The following ITPKC variants were observed in gnomAD, a reference collection of about 807,000 sequenced individuals.
ITPKC encodes IP3 3-kinase C.
In ITPKC, 33 loss-of-function variants were observed where a neutral mutation model predicts 67.1. That is an observed-to-expected ratio of 0.49 (90% CI 0.37 to 0.66). The LOEUF (loss-of-function observed/expected upper bound fraction) is 0.66, where lower values mean the gene tolerates loss of function less well. ITPKC is among the 30% of genes least tolerant of loss of function. The pLI is 0.00. For missense variants in ITPKC, 820 were observed against 892.1 expected (o/e 0.92, Z 1.03); for synonymous variants, 341 against 359.8 (o/e 0.95, Z 0.59).
At position 40,738,373 on chromosome 19, in the gene ITPKC, G is replaced by C. The variant is rs184006282; in HGVS notation, c.1848+604G>C. Among the ~76,000 whole-genome samples the C allele has an allele frequency of 3.4e-3, 513 of 152,256 alleles. 3 individuals are homozygous for C. The highest frequency in any genetic ancestry group is 0.012 in the African/African-American group (501 of 41,540). On this transcript the variant is annotated intron_variant, in intron 6 of 6. Coordinates refer to ENST00000263370, the MANE Select transcript of ITPKC (RefSeq NM_025194.3). The stretch of plus-strand genomic sequence containing the variant: ...GAACCCGGGAGGTGGAGCTTGCAGT[G>C]AGCCGAGATTGTGCCGCTGCACTCC...
chr19:40,733,101 G>C, intron 3 of ITPKC, 59 bp from the exon 4 acceptor site: 6 of 1,464,092 alleles, frequency 4.1e-6, no homozygotes, highest in Non-Finnish European at 4.8e-6. Flanking sequence ...ATATCAGGAA[G>C]GGTAAGCCCT....
At chr19:40,719,829 A>G (rs2082212999) in intron 1 of ITPKC, among the ~76,000 whole-genome samples, 1 of 152,208 alleles carries the variant, frequency 6.6e-6, no homozygotes, top group African/African-American at 2.4e-5. Context: ...ACAGATGAGG[A>G]AACTGAGGCA....
intron 1 of ITPKC, among the ~76,000 whole-genome samples, chr19:40,719,459 A>G (rs1176157983): frequency 6.7e-6 from 1 of 150,218 alleles, no homozygotes; most frequent in Non-Finnish European, 1.5e-5. Flanking sequence ...TTATTAACTC[A>G]CTCACTCCTC....
chr19:40,737,728 C>T lies in ITPKC; in HGVS notation c.1807C>T (p.Arg603Cys), dbSNP rs904288189. ...QKYVACLEEL[R>C]EALEISPFFK... ...GTACGTGGCATGCCTAGAAGAACTTCGTGAAGCTCTGGAGATCTCCCCCTT... is the reference window on the plus strand; with the variant it reads ...GTACGTGGCATGCCTAGAAGAACTTTGTGAAGCTCTGGAGATCTCCCCCTT... Residue 603 changes from arginine to cysteine, a missense_variant, in exon 6 of 7, where the codon CGT (arginine) becomes TGT (cysteine). This residue lies in a region of ITPKC where 339 missense variants were observed against 422.0 expected (regional missense o/e 0.80). Coordinates refer to ENST00000263370, the MANE Select transcript of ITPKC (RefSeq NM_025194.3). 5.0e-6 allele frequency: 8 copies of T among 1,614,112 alleles called. No individual in the cohort carries two copies. The highest frequency in any genetic ancestry group is 4.4e-5 in the South Asian group (4 of 91,084).
At chr19:40,726,437 A>G (rs1479918113) in intron 2 of ITPKC, among the ~76,000 whole-genome samples, 1 of 152,166 alleles carries the variant, frequency 6.6e-6, no homozygotes, top group Non-Finnish European at 1.5e-5. Flanking sequence ...CTAGGCCATA[A>G]ATATCTTAGG....
At chr19:40,733,409 C>T (rs980982772) in intron 4 of ITPKC, 45 bp downstream of exon 4, 2 of 1,534,192 alleles carry the variant, frequency 1.3e-6, no homozygotes, top group African/African-American at 1.4e-5. Context: ...AGGCCTATAG[C>T]CAGATCCCAG....
intron 4 of ITPKC, among the ~76,000 whole-genome samples, chr19:40,736,206 C>T (rs1387172729): frequency 6.6e-6 from 1 of 152,022 alleles, no homozygotes; most frequent in Non-Finnish European, 1.5e-5. Context: ...AGGAGAATGG[C>T]ATGAACCCAG....
intron 3 of ITPKC, among the ~76,000 whole-genome samples, chr19:40,730,589 G>C (rs773734874): frequency 2.7e-4 from 41 of 151,856 alleles, no homozygotes; most frequent in Admixed American, 3.9e-4. Context: ...GTCCCACCAG[G>C]CTTGGCTATA....
intron 3 of ITPKC, among the ~76,000 whole-genome samples, chr19:40,731,679 T>G (rs2082272015): frequency 6.8e-6 from 1 of 146,512 alleles, no homozygotes; most frequent in Non-Finnish European, 1.5e-5. Flanking sequence ...CCGCCCGCCT[T>G]GGCCTCCCAA....
intron 2 of ITPKC, among the ~76,000 whole-genome samples, chr19:40,726,304 C>G (rs151198564): frequency 2.9e-4 from 44 of 152,218 alleles, no homozygotes; most frequent in African/African-American, 9.4e-4. Context: ...CTTGCCTTCT[C>G]CGCGTGTTCA....
intron 3 of ITPKC, among the ~76,000 whole-genome samples, chr19:40,730,658 G>A (rs2082266650): frequency 6.6e-6 from 1 of 152,058 alleles, no homozygotes; most frequent in African/African-American, 2.4e-5. Context: ...TTGAACCCCT[G>A]AGCTCAAGTG....
intron 1 of ITPKC, among the ~76,000 whole-genome samples, chr19:40,719,434 C>T (rs542757044): frequency 1.8e-4 from 27 of 151,930 alleles, no homozygotes; most frequent in African/African-American, 6.3e-4. Context: ...TAGCCCTGTG[C>T]TAAGTGCTGT....
intron 3 of ITPKC, among the ~76,000 whole-genome samples, chr19:40,731,598 T>TG (rs2082271055): frequency 7.7e-6 from 1 of 130,530 alleles, no homozygotes; most frequent in African/African-American, 2.8e-5. Context: ...ATCCTTGGTT[T>TG]TTTTTTTTTT....
chr19:40,733,483 C>T, intron 4 of ITPKC, 119 bp downstream of exon 4: 1 of 907,226 alleles, frequency 1.1e-6, no homozygotes, highest in Non-Finnish European at 1.6e-6. Flanking sequence ...AAGGCTGGGG[C>T]TGGGGAAGCC....
intron 1 of ITPKC, among the ~76,000 whole-genome samples, chr19:40,724,509 GCTGTCT>G: frequency 6.6e-6 from 1 of 152,202 alleles, no homozygotes; most frequent in African/African-American, 2.4e-5. Flanking sequence ...GGTCTCTGTC[GCTGTCT>G]CTGTCTCTCT....
At chr19:40,737,840 A>G in intron 6 of ITPKC, 71 bp downstream of exon 6, 2 of 1,288,016 alleles carry the variant, frequency 1.6e-6, no homozygotes, top group Admixed American at 1.7e-5. Context: ...GAAACCATTG[A>G]TGAGTTACAG....
intron 2 of ITPKC, among the ~76,000 whole-genome samples, 180 bp from the exon 3 acceptor site, chr19:40,729,022 C>T (rs2082258346): frequency 1.3e-5 from 2 of 151,736 alleles, no homozygotes; most frequent in Non-Finnish European, 2.9e-5. Context: ...AGTGGGACTC[C>T]ATCTCAAAAA....
At chr19:40,728,304 G>A (rs954430071) in intron 2 of ITPKC, among the ~76,000 whole-genome samples, 3 of 151,976 alleles carry the variant, frequency 2.0e-5, no homozygotes, top group Non-Finnish European at 4.4e-5. Flanking sequence ...AGGATCACCT[G>A]AATCTAGGAG....
At chr19:40,726,729 T>C (rs116931208) in intron 2 of ITPKC, among the ~76,000 whole-genome samples, 143 of 152,326 alleles carry the variant, frequency 9.4e-4, no homozygotes, top group Non-Finnish European at 1.8e-3. Context: ...TTCTGGTTAC[T>C]ATTGCTGAGT....
Sources: allele counts gnomAD v4.1 joint callset (sites outside exome capture counted in the v4.1 genomes callset), GRCh38; gene constraint gnomAD v4.1.1; regional missense constraint gnomAD v4.1.1; transcripts MANE v1.5; gene names NCBI Gene and HGNC (gene_info 2026-07-23, HGNC 2026-07-21).